Variants in CA6 observed in about 807,000 individuals in gnomAD.
The protein encoded by CA6 is carbonate dehydratase VI.
A neutral mutation model predicts 35.9 loss-of-function variants in CA6; 28 were observed. The ratio of observed to expected loss-of-function variants is 0.78; its 90% CI spans 0.58 to 1.07. The LOEUF (loss-of-function observed/expected upper bound fraction) is 1.07. Among genes scored for constraint, CA6 ranks in the 50% least tolerant of loss-of-function variants. The pLI, the probability that CA6 is intolerant of heterozygous loss-of-function variation, is 0.00. For synonymous variants in CA6, 148 were observed against 152.6 expected, an observed-to-expected ratio of 0.97 and a Z score of 0.22; for missense variants, 377 against 382.0, an observed-to-expected ratio of 0.99 and a Z score of 0.11.
In CA6 at chr1:8,954,999, CTCTGT is replaced by C. The variant is rs1452148854; in HGVS notation, c.260-2136_260-2132del. On this transcript the variant is annotated intron_variant, in intron 2 of 7. Coordinates refer to ENST00000377443, the MANE Select transcript of CA6 (RefSeq NM_001215.4). ...AATTTCTAAAATGAACTCCCAATTT[CTCTGT>C]TTTGGTGCAGACTAGTAACAGTTGG... Among the ~76,000 whole-genome samples the C allele has an allele frequency of 1.3e-5, 2 of 151,546 alleles. 1 individual carries two copies. Among genetic ancestry groups the C allele is most frequent in the Non-Finnish European group, 2.9e-5 (2 of 67,866 alleles).
intron 6 of CA6, among the ~76,000 whole-genome samples, chr1:8,969,842 G>A (rs1042099997): frequency 6.6e-6 from 1 of 152,034 alleles, no homozygotes; most frequent in African/African-American, 2.4e-5. Flanking sequence ...ATTTCAAAGT[G>A]CCGAGGGAAA....
intron 5 of CA6, among the ~76,000 whole-genome samples, chr1:8,964,414 A>AT (rs1318667615): frequency 1.4e-4 from 21 of 151,946 alleles, no homozygotes; most frequent in East Asian, 1.4e-3. Flanking sequence ...TGCCTGGCCA[A>AT]TTTTTTGTAT....
intron 2 of CA6, among the ~76,000 whole-genome samples, chr1:8,949,953 T>C (rs779903704): frequency 2.0e-5 from 3 of 152,072 alleles, no homozygotes; most frequent in African/African-American, 4.8e-5. Context: ...GATGCCCCAC[T>C]TCAGGAATCC....
intron 7 of CA6, among the ~76,000 whole-genome samples, 174 bp downstream of exon 7, chr1:8,971,155 A>G (rs893067142): frequency 6.6e-6 from 1 of 152,122 alleles, no homozygotes; most frequent in Non-Finnish European, 1.5e-5. Flanking sequence ...ACTTTTTCCC[A>G]GTCCAGGCAG....
rs1345689075 is a variant in CA6 at position 8,963,097 on chromosome 1, G to A, written c.571+441G>A. Among the ~76,000 whole-genome samples the A allele has an allele frequency of 2.0e-5, 3 of 152,066 alleles. No individual in the cohort carries two copies. Among genetic ancestry groups the A allele is most frequent in the Non-Finnish European group, 2.9e-5 (2 of 68,004 alleles). Reference sequence around the variant, plus strand: ...TTCCGTCCCCTCTCCTCCAGAGGGCGGCGTTCTTGTAAGAGCCATTTCCCA... The same window carrying A: ...TTCCGTCCCCTCTCCTCCAGAGGGCAGCGTTCTTGTAAGAGCCATTTCCCA... On this transcript the variant is annotated intron_variant, in intron 5 of 7. Coordinates refer to ENST00000377443, the MANE Select transcript of CA6 (RefSeq NM_001215.4). The surrounding 1 kb of genome is among the most constrained non-coding windows in gnomAD (Gnocchi z 4.1).
At chr1:8,971,270 A>T (rs1413350556) in intron 7 of CA6, among the ~76,000 whole-genome samples, 1 of 151,786 alleles carries the variant, frequency 6.6e-6, no homozygotes, top group Non-Finnish European at 1.5e-5. Flanking sequence ...AGAAGACCAC[A>T]ACATCCGGAA....
intron 7 of CA6, among the ~76,000 whole-genome samples, chr1:8,973,980 C>T (rs1640199337): frequency 6.6e-6 from 1 of 152,024 alleles, no homozygotes; most frequent in South Asian, 2.1e-4. Context: ...TGTACCACCA[C>T]ACCCAGCTAA....
chr1:8,952,666 C>A (rs1004814639), intron 2 of CA6: 49 of 152,084 alleles, frequency 3.2e-4, no homozygotes, highest in African/African-American at 1.2e-3. Flanking sequence ...TTGCAAGGTT[C>A]TTTTATTTGA....
chr1:8,973,745 TTTC>T (rs1640177445), intron 7 of CA6, among the ~76,000 whole-genome samples: 8 of 19,936 alleles, frequency 4.0e-4, no homozygotes, highest in Non-Finnish European at 5.4e-4. Flanking sequence ...TCTTTCTTTC[TTTC>T]TTTCTTTCTT....
In CA6 at chr1:8,974,661, A is replaced by G; in HGVS notation, c.884A>G (p.Lys295Arg). The G allele has an allele frequency of 6.2e-7, 1 of 1,605,688 alleles. No homozygotes were observed. Among genetic ancestry groups the G allele is most frequent in the Non-Finnish European group, 8.5e-7 (1 of 1,175,916 alleles). ...LGSEFQFYLH[K>R]IEEILDYLRR... ...TCTGAATTCCAGTTTTACCTACATA[A>G]GATTGAGGAAATTCTTGACTACTTA... Residue 295 changes from lysine (K) to arginine (R), a missense_variant, in exon 8 of 8, where the codon AAG (lysine) becomes AGG (arginine). Lys to Arg is a conservative substitution (Grantham distance 26). Transcript: ENST00000377443.
In CA6 at chr1:8,949,456, G is replaced by A. The variant is rs781536918; in HGVS notation, c.259+14G>A. ...ATGGCCACACAGGTAAGAGGAAGGG[G>A]TGGTGAGGGGCTCCAGTCCATGGGC... On this transcript the variant is annotated intron_variant, in intron 2 of 7. Transcript: ENST00000377443. The A allele has an allele frequency of 1.1e-5, 17 of 1,606,464 alleles. No homozygotes were observed. The highest frequency in any genetic ancestry group is 5.5e-5 in the South Asian group (5 of 90,304).
In CA6 at chr1:8,974,481, C is replaced by T. The variant is rs111329595; in HGVS notation, c.845-141C>T. ...GTGAAGATGACTAAAGGCAATGCACCGGGCACGTGGAGAGCATTCTAAGGA... is the reference window on the plus strand; with the variant it reads ...GTGAAGATGACTAAAGGCAATGCACTGGGCACGTGGAGAGCATTCTAAGGA... On this transcript the variant is annotated intron_variant, in intron 7 of 7. Transcript: ENST00000377443. 5.1e-3 allele frequency: 7,519 copies of T among 1,483,280 alleles called. 268 individuals are homozygous for T. In the African/African-American group the frequency reaches 0.079, roughly 16 times the overall value. The allele number at this position is 1,483,280 out of a possible 1,614,324, so 91.9% of individuals were successfully genotyped here.
At chr1:8,951,014 G>A (rs569038440) in intron 2 of CA6, among the ~76,000 whole-genome samples, 21 of 152,132 alleles carry the variant, frequency 1.4e-4, no homozygotes, top group East Asian at 1.4e-3. Context: ...TCAGGAGTTC[G>A]AGACTAGCCT....
At chr1:8,958,270 T>C (rs911947175) in intron 3 of CA6, among the ~76,000 whole-genome samples, 1 of 152,120 alleles carries the variant, frequency 6.6e-6, no homozygotes, top group Non-Finnish European at 1.5e-5. Context: ...TGGGTTCAAA[T>C]GATTCTCCTG....
intron 4 of CA6, among the ~76,000 whole-genome samples, chr1:8,961,634 C>T (rs1639845249): frequency 6.6e-6 from 1 of 152,094 alleles, no homozygotes; most frequent in African/African-American, 2.4e-5. Context: ...ACAAAAAAGG[C>T]ACGAGACATC....
chr1:8,964,253 CTT>C (rs1410228408), intron 5 of CA6, among the ~76,000 whole-genome samples: 1 of 151,920 alleles, frequency 6.6e-6, no homozygotes, highest in African/African-American at 2.4e-5. Flanking sequence ...CTCTCTCTCT[CTT>C]TTTTCTTTTT....
At chr1:8,952,724 T>G (rs1407104819) in intron 2 of CA6, 1 of 152,204 alleles carries the variant, frequency 6.6e-6, no homozygotes, top group Admixed American at 6.5e-5. Context: ...TGGCGCGATC[T>G]CGGCTCACTG....
intron 5 of CA6, 43 bp from the exon 6 acceptor site, chr1:8,967,616 C>T (rs201248912): frequency 1.4e-4 from 217 of 1,587,408 alleles, no homozygotes; most frequent in African/African-American, 9.4e-4. Flanking sequence ...CGAGGGGCAG[C>T]GCTGGTCCCT....
Position 8,951,512 on chromosome 1 carries a change from C to T in CA6, c.259+2070C>T, listed in dbSNP as rs781043413. 2.1e-5 allele frequency: 16 copies of T among 765,086 alleles called. No individual in the cohort carries two copies. In the East Asian group the frequency reaches 3.9e-4, roughly 19 times the overall value. 47.4% of individuals were successfully genotyped at this position (765,086 alleles called of 1,614,324 possible). A position where few individuals can be genotyped will look rare whatever the true frequency, so the allele number is the denominator to read the frequency against. ...AGGCCAAAGGCAGTGGCTTTGTTCA[C>T]CCTCCCTGGACAGCTGGTGGGAAGC... On this transcript the variant is annotated intron_variant, in intron 2 of 7. Coordinates refer to ENST00000377443, the MANE Select transcript of CA6 (RefSeq NM_001215.4).
Sources: gnomAD v4.1 joint callset for allele counts (sites outside exome capture counted in the v4.1 genomes callset) on GRCh38, gnomAD v4.1.1 for gene constraint, Gnocchi (gnomAD v3.1) non-coding constraint, MANE v1.5 for transcripts, NCBI Gene and HGNC (gene_info 2026-07-23, HGNC 2026-07-21) for gene names.